The following KCNK13 variants were observed in gnomAD, a reference collection of about 807,000 sequenced individuals.
KCNK13 encodes potassium two pore domain channel subfamily K member 13, also known as potassium channel subfamily K member 13.
Under a neutral mutation model 23.4 loss-of-function variants are expected in KCNK13, and 12 were observed. The ratio of observed to expected loss-of-function variants is 0.51; its 90% CI spans 0.33 to 0.83. KCNK13 has a LOEUF of 0.83. Ranked by LOEUF, KCNK13 falls within the 40% of genes least tolerant of loss-of-function variation. The probability of loss-of-function intolerance (pLI) is 0.02; values close to 1 mark genes in which losing one functional copy is unlikely to be tolerated. For missense variants in KCNK13, 463 were observed against 556.3 expected (o/e 0.83, Z 1.69); for synonymous variants, 231 against 229.5 (o/e 1.01, Z -0.06).
intron 1 of KCNK13, among the ~76,000 whole-genome samples, chr14:90,157,208 C>A (rs745523403): frequency 6.6e-6 from 1 of 152,114 alleles, no homozygotes; most frequent in African/African-American, 2.4e-5. Flanking sequence ...TTTTGACATA[C>A]TTTGATAATT....
intron 1 of KCNK13, among the ~76,000 whole-genome samples, chr14:90,173,585 G>A (rs747509865): frequency 6.6e-6 from 1 of 152,108 alleles, no homozygotes; most frequent in Non-Finnish European, 1.5e-5. Flanking sequence ...TCCACACCAG[G>A]GTTTGAAATG....
At chr14:90,101,392 G>A (rs1343695174) in intron 1 of KCNK13, among the ~76,000 whole-genome samples, 1 of 152,034 alleles carries the variant, frequency 6.6e-6, no homozygotes, top group East Asian at 1.9e-4. Context: ...CTTAGACGAG[G>A]GGGCAGGGGC....
At chr14:90,137,365 G>A (rs1459296161) in intron 1 of KCNK13, among the ~76,000 whole-genome samples, 1 of 151,888 alleles carries the variant, frequency 6.6e-6, no homozygotes, top group Non-Finnish European at 1.5e-5. Context: ...CTGTCGCCCA[G>A]GCTGGAGAGC....
At chr14:90,176,538 A>T (rs1295669985) in intron 1 of KCNK13, among the ~76,000 whole-genome samples, 1 of 152,026 alleles carries the variant, frequency 6.6e-6, no homozygotes, top group African/African-American at 2.4e-5. Flanking sequence ...ATTCTTTTGT[A>T]GTTTCATCCC....
rs1596760671 is a variant in KCNK13, at chr14:90,062,683, G to A, written c.334+144G>A. On this transcript the variant is annotated intron_variant, in intron 1 of 1. Transcript: ENST00000282146. The surrounding 1 kb of genome is among the most constrained non-coding windows in gnomAD (Gnocchi z 4.5). ...GACATGAGCTGTCGCCTGATCAACA[G>A]GTGGTATTGCCTCCCCGCTGCTCTA... The A allele has an allele frequency of 5.0e-6, 3 of 602,506 alleles. No homozygotes were observed. The highest frequency in any genetic ancestry group is 8.3e-6 in the Non-Finnish European group (3 of 361,576). 37.3% of individuals were successfully genotyped at this position (602,506 alleles called of 1,614,324 possible).
intron 1 of KCNK13, among the ~76,000 whole-genome samples, chr14:90,114,158 A>T (rs1021439967): frequency 6.6e-6 from 1 of 152,078 alleles, no homozygotes; most frequent in Admixed American, 6.6e-5. Context: ...TAGCTGTGCC[A>T]ATTTATTTCC....
At position 90,184,137 on chromosome 14, in the gene KCNK13, G is replaced by A. The variant is rs146409435; in HGVS notation, c.361G>A (p.Val121Ile). 2 of 1,613,782 alleles carry A rather than the reference G, an allele frequency of 1.2e-6. No homozygotes were observed. The highest frequency in any genetic ancestry group is 2.2e-5 in the East Asian group (1 of 44,886). The change falls in exon 2 of 2, where the codon GTA becomes ATA. Residue 121 changes from valine (V) to isoleucine (I), a missense_variant. This residue lies in a region of KCNK13 where 144 missense variants were observed against 224.0 expected (regional missense o/e 0.64). Coordinates refer to ENST00000282146, the MANE Select transcript of KCNK13 (RefSeq NM_022054.4). This position sits in a 1 kb window ranked among gnomAD's most constrained non-coding sequence, Gnocchi z 5.6. The stretch of plus-strand genomic sequence containing the variant: ...GTTTGGGATGACAACTCCGGCGACA[G>A]TAGGAGGAAAAATCTTTCTGATCTT... ...IGFGMTTPAT[V>I]GGKIFLIFYG...
chr14:90,122,270 G>C (rs907222001), intron 1 of KCNK13, among the ~76,000 whole-genome samples: 1 of 151,516 alleles, frequency 6.6e-6, no homozygotes, highest in Non-Finnish European at 1.5e-5. Context: ...TAACAGAAGT[G>C]AATTTTCTGG....
At chr14:90,107,194 T>C (rs1319323323) in intron 1 of KCNK13, among the ~76,000 whole-genome samples, 1 of 151,956 alleles carries the variant, frequency 6.6e-6, no homozygotes, top group Non-Finnish European at 1.5e-5. Context: ...TTAAAGTACA[T>C]GTTGGCCGGG....
rs553554986 is a variant in KCNK13 at position 90,149,504 on chromosome 14, T to G, written c.335-34607T>G. Among the ~76,000 whole-genome samples, 3 of 152,348 alleles carry G rather than the reference T, an allele frequency of 2.0e-5. No individual in the cohort carries two copies. The East Asian group carries it at 5.8e-4, about 29-fold the overall frequency. ...AGGGCACATGCAGGGGAACTGCCCT[T>G]TATTAAACCATCAGATCTCGTGAGA... On this transcript the variant is annotated intron_variant, in intron 1 of 1. Transcript: ENST00000282146.
At chr14:90,154,849 T>A (rs1317143451) in intron 1 of KCNK13, among the ~76,000 whole-genome samples, 1 of 152,120 alleles carries the variant, frequency 6.6e-6, no homozygotes, top group Non-Finnish European at 1.5e-5. Flanking sequence ...CAAATTTAGG[T>A]GGGAATAATT....
intron 1 of KCNK13, among the ~76,000 whole-genome samples, chr14:90,091,320 G>T (rs867099371): frequency 6.6e-6 from 1 of 152,066 alleles, no homozygotes; most frequent in Non-Finnish European, 1.5e-5. Flanking sequence ...TTCCACTTAG[G>T]ATATTTAATT....
At chr14:90,137,075 T>C (rs546250763) in intron 1 of KCNK13, among the ~76,000 whole-genome samples, 6 of 152,276 alleles carry the variant, frequency 3.9e-5, no homozygotes, top group Admixed American at 3.9e-4. Context: ...CTGATTCATG[T>C]TTCTTCATGT....
chr14:90,140,227 G>A (rs1489402484), intron 1 of KCNK13, among the ~76,000 whole-genome samples: 3 of 152,140 alleles, frequency 2.0e-5, no homozygotes, highest in African/African-American at 7.2e-5. Context: ...CAGAGCCTCT[G>A]AGCCATCATG....
At chr14:90,126,860 A>G (rs1196146036) in intron 1 of KCNK13, among the ~76,000 whole-genome samples, 1 of 152,116 alleles carries the variant, frequency 6.6e-6, no homozygotes, top group Admixed American at 6.5e-5. Context: ...TAATCATGAG[A>G]AAATATCAGG....
chr14:90,101,790 CAAAA>C lies in KCNK13; in HGVS notation c.334+39270_334+39273del, dbSNP rs546423368. On this transcript the variant is annotated intron_variant, in intron 1 of 1. Transcript: ENST00000282146. ...GGGCAACAGAGTGAGACTCCGTCTC[CAAAA>C]AAAAAAAAAAAAAAAAAACCTCACA... 2.1e-3 allele frequency among the ~76,000 whole-genome samples: 114 copies of C among 55,582 alleles called. 5 individuals carry two copies. The highest frequency in any genetic ancestry group is 3.0e-3 in the Admixed American group (14 of 4,688). The allele number at this position is 55,582 out of a possible 152,430, so 36.5% of individuals were successfully genotyped here. A position where few individuals can be genotyped will look rare whatever the true frequency, so the allele number is the denominator to read the frequency against.
Position 90,135,866 on chromosome 14 carries a change from C to T in KCNK13, c.335-48245C>T, listed in dbSNP as rs114254982. On this transcript the variant is annotated intron_variant, in intron 1 of 1. Coordinates refer to ENST00000282146, the MANE Select transcript of KCNK13 (RefSeq NM_022054.4). ...TCAGAAGAGTTCACCTTCATGGTGA[C>T]AGCCAGGATGTTGATAAGCTGCTTT... Among the ~76,000 whole-genome samples, 730 of 152,260 alleles carry T rather than the reference C, an allele frequency of 4.8e-3. 4 individuals are homozygous for T. The highest frequency in any genetic ancestry group is 0.017 in the African/African-American group (686 of 41,530).
At chr14:90,183,713 G>C (rs1890513044) in intron 1 of KCNK13, among the ~76,000 whole-genome samples, 1 of 152,146 alleles carries the variant, frequency 6.6e-6, no homozygotes, top group African/African-American at 2.4e-5. Flanking sequence ...TTCTTTGTAT[G>C]AGCCTTTGCT....
intron 1 of KCNK13, among the ~76,000 whole-genome samples, chr14:90,105,053 G>C (rs539744180): frequency 6.6e-6 from 1 of 152,070 alleles, no homozygotes; most frequent in South Asian, 2.1e-4. Context: ...ACCTCCCAAA[G>C]TGCTAGGATT....
Sources: gnomAD v4.1 joint callset for allele counts (sites outside exome capture counted in the v4.1 genomes callset) on GRCh38, gnomAD v4.1.1 for gene constraint, gnomAD v4.1.1 regional missense constraint, Gnocchi (gnomAD v3.1) non-coding constraint, MANE v1.5 for transcripts, NCBI Gene and HGNC (gene_info 2026-07-23, HGNC 2026-07-21) for gene names.